The following WWOX variants were observed in gnomAD, a reference collection of about 807,000 sequenced individuals.
WWOX encodes WW domain containing oxidoreductase.
In WWOX, 69 loss-of-function variants were observed where a neutral mutation model predicts 46.2. That is an observed-to-expected ratio of 1.49 (90% CI 1.23 to 1.82). WWOX has a LOEUF of 1.82. Among genes scored for constraint, WWOX ranks in the 40% most tolerant of loss-of-function variants. The pLI, the probability that WWOX is intolerant of heterozygous loss-of-function variation, is 0.00. For missense variants in WWOX, 919 were observed against 542.6 expected, an observed-to-expected ratio of 1.69 and a Z score of -6.89; for synonymous variants, 359 against 202.6, an observed-to-expected ratio of 1.77 and a Z score of -6.56.
intron 6 of WWOX, among the ~76,000 whole-genome samples, chr16:78,422,740 TATATATACACATATATACAC>T (rs1254610943): frequency 9.8e-6 from 1 of 102,370 alleles, no homozygotes; most frequent in African/African-American, 6.3e-5. Context: ...TACACACACA[TATATATACACATATATACAC>T]ATATATATAC....
At chr16:78,362,075 A>AT (rs2081421419) in intron 5 of WWOX, among the ~76,000 whole-genome samples, 1 of 146,894 alleles carries the variant, frequency 6.8e-6, no homozygotes, top group Non-Finnish European at 1.5e-5. Flanking sequence ...TAATGGGGTG[A>AT]TTTTTTTCTT....
At chr16:78,731,109 G>C (rs867539778) in intron 8 of WWOX, among the ~76,000 whole-genome samples, 3 of 152,096 alleles carry the variant, frequency 2.0e-5, no homozygotes, top group Non-Finnish European at 4.4e-5. Flanking sequence ...GCTTGCTTTT[G>C]TTTTTTGAGT....
At chr16:78,347,068 G>A (rs2081105775) in intron 5 of WWOX, among the ~76,000 whole-genome samples, 1 of 118,010 alleles carries the variant, frequency 8.5e-6, no homozygotes, top group Non-Finnish European at 2.0e-5. Flanking sequence ...GGGGTAATAG[G>A]TTTATTGAGA....
At chr16:78,112,400 C>T (rs1159414422) in intron 3 of WWOX, among the ~76,000 whole-genome samples, 1 of 151,884 alleles carries the variant, frequency 6.6e-6, no homozygotes, top group African/African-American at 2.4e-5. Flanking sequence ...AATGTAGTTA[C>T]AGTAACAAGT....
intron 8 of WWOX, among the ~76,000 whole-genome samples, chr16:78,822,752 A>G (rs113255558): frequency 6.6e-6 from 1 of 152,206 alleles, no homozygotes; most frequent in Non-Finnish European, 1.5e-5. Context: ...TTAGGTTGGA[A>G]TGCAAGGGAA....
At chr16:78,124,296 G>A (rs1269460677) in intron 4 of WWOX, 1 of 152,052 alleles carries the variant, frequency 6.6e-6, no homozygotes, top group African/African-American at 2.4e-5. Flanking sequence ...TCATATACGA[G>A]TGTGTTCGTT....
At chr16:78,647,931 TC>T (rs1358790270) in intron 8 of WWOX, among the ~76,000 whole-genome samples, 1 of 152,242 alleles carries the variant, frequency 6.6e-6, no homozygotes, top group East Asian at 1.9e-4. Context: ...ACATTAGTAA[TC>T]AACTTTGCCA....
intron 8 of WWOX, among the ~76,000 whole-genome samples, chr16:78,954,974 G>C (rs889106061): frequency 3.3e-5 from 5 of 152,018 alleles, no homozygotes; most frequent in African/African-American, 1.2e-4. Context: ...ATTTTTTGTA[G>C]GGACAGGGCC....
chr16:78,543,550 C>T (rs1597240949), intron 8 of WWOX, among the ~76,000 whole-genome samples: 3 of 152,206 alleles, frequency 2.0e-5, no homozygotes, highest in Non-Finnish European at 4.4e-5. Flanking sequence ...AACTTTTCAA[C>T]ACTGGCCAAA....
intron 8 of WWOX, among the ~76,000 whole-genome samples, chr16:78,600,370 C>T (rs964804943): frequency 2.6e-5 from 4 of 152,100 alleles, no homozygotes; most frequent in African/African-American, 7.2e-5. Flanking sequence ...CCCCAGATGA[C>T]GGAAACAGCC....
intron 8 of WWOX, among the ~76,000 whole-genome samples, chr16:78,588,259 G>C (rs1403309361): frequency 1.3e-5 from 2 of 152,226 alleles, no homozygotes; most frequent in Non-Finnish European, 2.9e-5. Context: ...GGTTCTTGCA[G>C]TTGGCAAACA....
rs146184346 is a variant in WWOX, at chr16:79,107,866, G to C, written c.1057-103742G>C. Among the ~76,000 whole-genome samples, 824 of 152,262 alleles carry C rather than the reference G, an allele frequency of 5.4e-3. 8 individuals are homozygous for C. Among genetic ancestry groups the C allele is most frequent in the Non-Finnish European group, 5.2e-3 (354 of 68,026 alleles). On this transcript the variant is annotated intron_variant, in intron 8 of 8. Transcript: ENST00000566780. ...ATAATTCGACATTAGTGACAGAGAT[G>C]ATACTACAGTTATAGGATGAAGTGT...
At chr16:78,607,514 CAA>C (rs1395440937) in intron 8 of WWOX, among the ~76,000 whole-genome samples, 4 of 152,176 alleles carry the variant, frequency 2.6e-5, no homozygotes, top group South Asian at 2.1e-4. Flanking sequence ...TGTAATTTAG[CAA>C]AGTCTTACAC....
chr16:78,736,239 A>G (rs1301561906), intron 8 of WWOX, among the ~76,000 whole-genome samples: 2 of 152,158 alleles, frequency 1.3e-5, no homozygotes, highest in African/African-American at 4.8e-5. Context: ...GACCCGCTTG[A>G]GGCCAGAAGG....
intron 6 of WWOX, among the ~76,000 whole-genome samples, chr16:78,401,582 G>A (rs1000407964): frequency 1.3e-5 from 2 of 152,110 alleles, no homozygotes; most frequent in Admixed American, 1.3e-4. Flanking sequence ...TCTGCTTTAG[G>A]GAAAGGGTGA....
chr16:78,591,285 C>T (rs1181692687), intron 8 of WWOX, among the ~76,000 whole-genome samples: 4 of 152,194 alleles, frequency 2.6e-5, no homozygotes, highest in Non-Finnish European at 5.9e-5. Flanking sequence ...CCCCTCAACA[C>T]ACTTAGGCTG....
At chr16:78,487,656 C>T (rs1377310448) in intron 8 of WWOX, among the ~76,000 whole-genome samples, 2 of 152,078 alleles carry the variant, frequency 1.3e-5, no homozygotes, top group East Asian at 3.9e-4. Flanking sequence ...ACATCCCTGA[C>T]CTCTAGCCAT....
intron 8 of WWOX, among the ~76,000 whole-genome samples, chr16:78,764,499 T>A (rs2049880485): frequency 6.8e-6 from 1 of 147,228 alleles, no homozygotes; most frequent in Non-Finnish European, 1.5e-5. Flanking sequence ...ACCAGTTACC[T>A]GTTTGTCTAG....
chr16:78,161,887 A>T (rs1423594114), intron 4 of WWOX, among the ~76,000 whole-genome samples: 1 of 152,188 alleles, frequency 6.6e-6, no homozygotes, highest in African/African-American at 2.4e-5. Context: ...GAACCTTAGG[A>T]TACTTTGCTT....
Sources: gnomAD v4.1 joint callset for allele counts (sites outside exome capture counted in the v4.1 genomes callset) on GRCh38, gnomAD v4.1.1 for gene constraint, MANE v1.5 for transcripts, NCBI Gene and HGNC (gene_info 2026-07-23, HGNC 2026-07-21) for gene names.